Variants in SPIRE2 observed in about 807,000 individuals in gnomAD.
The protein encoded by SPIRE2 is protein spire homolog 2.
SPIRE2 carries 76 observed loss-of-function variants against 80.7 expected under a neutral mutation model. That is an observed-to-expected ratio of 0.94 (90% CI 0.78 to 1.14). The LOEUF (loss-of-function observed/expected upper bound fraction) is 1.14, where lower values mean the gene tolerates loss of function less well. Among genes scored for constraint, SPIRE2 ranks in the 50% most tolerant of loss-of-function variants. The probability of loss-of-function intolerance (pLI) is 0.00; values close to 1 mark genes in which losing one functional copy is unlikely to be tolerated. For synonymous variants in SPIRE2, 535 were observed against 432.6 expected (o/e 1.24, Z -2.94); for missense variants, 1,196 against 1,015.3 (o/e 1.18, Z -2.42).
intron 1 of SPIRE2, among the ~76,000 whole-genome samples, chr16:89,829,250 T>A (rs2041356639): frequency 6.6e-6 from 1 of 152,234 alleles, no homozygotes; most frequent in Admixed American, 6.5e-5. Flanking sequence ...ACTTGGCGTC[T>A]GAACTGACAC....
At chr16:89,857,880 T>TC (rs2041705855) in intron 7 of SPIRE2, among the ~76,000 whole-genome samples, 1 of 96,092 alleles carries the variant, frequency 1.0e-5, no homozygotes, top group Non-Finnish European at 2.0e-5. Context: ...TAGTTCTTCT[T>TC]CTTTTTTTTT....
Position 89,850,317 on chromosome 16 carries a change from TC to T in SPIRE2, c.303del (p.Gly102AlafsTer78). 6.2e-7 allele frequency: 1 copy of T among 1,603,126 alleles called. No homozygotes were observed. Among genetic ancestry groups the T allele is most frequent in the Non-Finnish European group, 8.5e-7 (1 of 1,177,398 alleles). ...CCTGTCCCGCAGACCGTGCAGTCCC[TC>T]GGCTTCGCCATCTACCGCGCGCTGG... ...ASSEAQTVQS[L>X]GFAIYRALDW... is the part of the protein sequence containing the mutation. On this transcript the variant is annotated frameshift_variant, in exon 3 of 15. Transcript: ENST00000378247. LOFTEE classifies it high-confidence loss of function.
In SPIRE2 at chr16:89,869,518, G is replaced by A. The variant is rs571800001; in HGVS notation, c.1807-49G>A. The A allele has an allele frequency of 1.3e-5, 17 of 1,324,356 alleles. No individual in the cohort carries two copies. The South Asian group carries it at 1.8e-4, about 14-fold the overall frequency. The allele number at this position is 1,324,356 out of a possible 1,614,324, so 82.0% of individuals were successfully genotyped here. On this transcript the variant is annotated intron_variant, in intron 13 of 14. Transcript: ENST00000378247. ...AGGTCCCCTAGCACTGAGTGTACCT[G>A]AATGTCTCTGGTGGTGCCTGGTTCA... is the stretch of plus-strand genomic sequence containing the variant.
chr16:89,839,198 C>G (rs892592269), intron 1 of SPIRE2, among the ~76,000 whole-genome samples: 4 of 151,846 alleles, frequency 2.6e-5, no homozygotes, highest in African/African-American at 7.3e-5. Context: ...TTACTAAATA[C>G]AAAAAAATTA....
chr16:89,852,614 A>G (rs996326376), intron 3 of SPIRE2, among the ~76,000 whole-genome samples: 7 of 9,280 alleles, frequency 7.5e-4, no homozygotes, highest in African/African-American at 3.0e-3. Context: ...TCCACCCCCC[A>G]GATCCCCTGG....
rs768527784 is a variant in SPIRE2 at position 89,870,125 on chromosome 16, G to T, written c.1998G>T (p.Lys666Asn). The T allele has an allele frequency of 6.2e-7, 1 of 1,613,394 alleles. No individual in the cohort carries two copies. The change falls in exon 15 of 15, where the codon AAG becomes AAT. Residue 666 changes from lysine (K) to asparagine (N), a missense_variant. Coordinates refer to ENST00000378247, the MANE Select transcript of SPIRE2 (RefSeq NM_032451.2). ...TCTACTCCCACGGCTGTGTCCTGAA[G>T]GATGTCTGCAGTGAGTGCACCAGCT... Reference protein sequence around the residue: ...PHIYSHGCVLKDVCSECTSFV... With the variant: ...PHIYSHGCVLNDVCSECTSFV...
chr16:89,838,869 T>C (rs2041476450), intron 1 of SPIRE2, among the ~76,000 whole-genome samples: 1 of 151,958 alleles, frequency 6.6e-6, no homozygotes, highest in East Asian at 2.0e-4. Context: ...AAAGGGCTCT[T>C]GTTCTCTTTC....
chr16:89,850,595 C>T lies in SPIRE2; in HGVS notation c.580C>T (p.Arg194Cys), dbSNP rs1335560738. ...ACAGGCGCATTACCAGGCCGTGTGC[C>T]GCGCGCTCTTCGTGGAGACGCTGGA... is the stretch of plus-strand genomic sequence containing the variant. ...GAQAHYQAVC[R>C]ALFVETLELR... is the part of the protein sequence containing the mutation. Residue 194 changes from arginine to cysteine, a missense_variant, in exon 3 of 15, where the codon CGC becomes TGC. Transcript: ENST00000378247. 1.8e-5 allele frequency: 27 copies of T among 1,519,784 alleles called. No homozygotes were observed. In the East Asian group the frequency reaches 2.5e-4, roughly 14 times the overall value. 94.1% of individuals were successfully genotyped at this position (1,519,784 alleles called of 1,614,324 possible).
In SPIRE2 at chr16:89,855,041, C is replaced by T. The variant is rs537650089; in HGVS notation, c.891+390C>T. 8.5e-5 allele frequency among the ~76,000 whole-genome samples: 13 copies of T among 152,132 alleles called. No individual in the cohort carries two copies. In the East Asian group the frequency reaches 1.9e-3, roughly 23 times the overall value. On this transcript the variant is annotated intron_variant, in intron 5 of 14. Coordinates refer to ENST00000378247, the MANE Select transcript of SPIRE2 (RefSeq NM_032451.2). ...GCAAGCTCCACCTCCTGGGTTCAAG[C>T]GATTCTCCTGCCTTAGCCTCCCAAG...
At chr16:89,832,057 G>C (rs979105000) in intron 1 of SPIRE2, among the ~76,000 whole-genome samples, 1 of 152,248 alleles carries the variant, frequency 6.6e-6, no homozygotes, top group Non-Finnish European at 1.5e-5. Context: ...TGATGAGCAG[G>C]CCCCAGCTTC....
intron 1 of SPIRE2, among the ~76,000 whole-genome samples, chr16:89,844,659 C>T (rs1047525842): frequency 1.3e-5 from 2 of 152,074 alleles, no homozygotes; most frequent in African/African-American, 4.8e-5. Context: ...AGGATGGCCC[C>T]GATCTCCTGA....
At chr16:89,857,221 C>G (rs2041699401) in intron 7 of SPIRE2, among the ~76,000 whole-genome samples, 1 of 148,700 alleles carries the variant, frequency 6.7e-6, no homozygotes, top group Admixed American at 6.8e-5. Context: ...ACTGCAGCCT[C>G]AACCTCTCAG....
chr16:89,844,974 T>C (rs945313392), intron 1 of SPIRE2, among the ~76,000 whole-genome samples: 6 of 152,192 alleles, frequency 3.9e-5, no homozygotes, highest in African/African-American at 1.4e-4. Flanking sequence ...CTGTGGGACC[T>C]GTTGGCTGCT....
chr16:89,859,750 C>T (rs1240580844), intron 9 of SPIRE2, among the ~76,000 whole-genome samples: 1 of 152,120 alleles, frequency 6.6e-6, no homozygotes, highest in Non-Finnish European at 1.5e-5. Context: ...AGCCGTGATT[C>T]CTTCGACTCC....
intron 12 of SPIRE2, among the ~76,000 whole-genome samples, chr16:89,867,769 G>A (rs1405580267): frequency 1.3e-5 from 2 of 151,726 alleles, no homozygotes; most frequent in Admixed American, 1.3e-4. Context: ...ATTTTTAGTA[G>A]AAACGAGGTT....
chr16:89,834,150 C>T (rs1430652844), intron 1 of SPIRE2, among the ~76,000 whole-genome samples: 2 of 149,252 alleles, frequency 1.3e-5, no homozygotes, highest in Admixed American at 6.7e-5. Context: ...GTGAACCTGC[C>T]TGCGCTCGCG....
chr16:89,828,885 C>A lies in SPIRE2; in HGVS notation c.244+91C>A, dbSNP rs1206346958. On this transcript the variant is annotated intron_variant, in intron 1 of 14. Coordinates refer to ENST00000378247, the MANE Select transcript of SPIRE2 (RefSeq NM_032451.2). The surrounding 1 kb of genome is among the most constrained non-coding windows in gnomAD (Gnocchi z 5.9). ...GGGGGTGGTCCCGGCGGAGAGGCTG[C>A]GACCGGTTCTGGAGCGGGAGATCCC... 2 of 1,036,438 alleles carry A rather than the reference C, an allele frequency of 1.9e-6. No homozygotes were observed. The highest frequency in any genetic ancestry group is 2.4e-6 in the Non-Finnish European group (2 of 833,580). The allele number at this position is 1,036,438 out of a possible 1,614,324, so 64.2% of individuals were successfully genotyped here.
chr16:89,855,916 C>T, intron 6 of SPIRE2, 197 bp from the exon 7 acceptor site: 1 of 1,072,972 alleles, frequency 9.3e-7, no homozygotes, highest in Non-Finnish European at 1.3e-6. Context: ...ATGCCCACCC[C>T]ACCCCAGGTG....
At chr16:89,857,293 G>T (rs192633358) in intron 7 of SPIRE2, among the ~76,000 whole-genome samples, 1 of 151,410 alleles carries the variant, frequency 6.6e-6, no homozygotes. Flanking sequence ...GCACCACCAC[G>T]CCCGGCTAAT....
Sources: allele counts gnomAD v4.1 joint callset (sites outside exome capture counted in the v4.1 genomes callset), GRCh38; gene constraint gnomAD v4.1.1; non-coding constraint Gnocchi (gnomAD v3.1); transcripts MANE v1.5; gene names NCBI Gene and HGNC (gene_info 2026-07-23, HGNC 2026-07-21).